Variants in ALS2 observed in about 807,000 individuals in gnomAD.
ALS2 encodes alsin.
A neutral mutation model predicts 203.4 loss-of-function variants in ALS2; 117 were observed. The ratio of observed to expected loss-of-function variants is 0.58; its 90% CI spans 0.50 to 0.67. The LOEUF is 0.67. Among genes scored for constraint, ALS2 ranks in the 30% least tolerant of loss-of-function variants. The pLI is 0.00. For missense variants in ALS2, 1,715 were observed against 1,989.4 expected, an observed-to-expected ratio of 0.86 and a Z score of 2.62; for synonymous variants, 718 against 725.9, an observed-to-expected ratio of 0.99 and a Z score of 0.17.
In ALS2 at chr2:201,726,486, A is replaced by G; in HGVS notation, c.3246T>C (p.Asp1082=). ...YSGMFRNGLE[D]GYGEYRIPNK... ...CATGTTTTACACAATTTTCTTACCCATCTTCCAAGCCATTCCTGAACATGC... is the reference window on the plus strand; with the variant it reads ...CATGTTTTACACAATTTTCTTACCCGTCTTCCAAGCCATTCCTGAACATGC... Residue 1082 remains aspartate, a splice_region_variant and synonymous_variant, in exon 19 of 34, where the codon GAT becomes GAC. Coordinates refer to ENST00000264276, the MANE Select transcript of ALS2 (RefSeq NM_020919.4). The G allele has an allele frequency of 7.4e-6, 12 of 1,613,852 alleles. 1 individual carries two copies. The Middle Eastern group carries it at 1.8e-3, about 244-fold the overall frequency.
chr2:201,707,841 T>C, intron 28 of ALS2, 28 bp downstream of exon 28: 1 of 1,610,564 alleles, frequency 6.2e-7, no homozygotes, highest in Non-Finnish European at 8.5e-7. Context: ...ATTCCCTTTC[T>C]TCACTGTCCC....
At chr2:201,728,969 T>C in intron 14 of ALS2, 83 bp downstream of exon 14, 1 of 1,604,518 alleles carries the variant, frequency 6.2e-7, no homozygotes, top group African/African-American at 1.3e-5. Flanking sequence ...CACAAACAAG[T>C]GAGGAACAGA....
chr2:201,772,318 C>T (rs73055632), intron 1 of ALS2, among the ~76,000 whole-genome samples: 16,346 of 152,084 alleles, frequency 0.11, 955 homozygotes, highest in East Asian at 0.23. Context: ...CTAGATGTCC[C>T]AACTGTTAGA....
intron 19 of ALS2, 134 bp from the exon 20 acceptor site, chr2:201,725,588 A>T: frequency 1.2e-6 from 1 of 806,456 alleles, no homozygotes. Flanking sequence ...GGGTTAAAAC[A>T]GCATCTTGGT....
intron 9 of ALS2, among the ~76,000 whole-genome samples, chr2:201,745,398 A>G (rs1692563639): frequency 6.6e-6 from 1 of 152,114 alleles, no homozygotes; most frequent in Non-Finnish European, 1.5e-5. Flanking sequence ...TTCATAACTT[A>G]CTAGCCAGAA....
chr2:201,730,235 A>T (rs1302220623), intron 13 of ALS2, among the ~76,000 whole-genome samples: 1 of 152,210 alleles, frequency 6.6e-6, no homozygotes, highest in Non-Finnish European at 1.5e-5. Context: ...GTTAAAATCC[A>T]GGGGTCTATC....
intron 1 of ALS2, among the ~76,000 whole-genome samples, chr2:201,775,347 A>C (rs1694608524): frequency 6.6e-6 from 1 of 152,136 alleles, no homozygotes; most frequent in Admixed American, 6.6e-5. Flanking sequence ...AGTCATTAAC[A>C]CCTCCTTTTT....
intron 9 of ALS2, among the ~76,000 whole-genome samples, chr2:201,745,731 T>C (rs921529950): frequency 4.6e-5 from 7 of 152,058 alleles, no homozygotes; most frequent in Non-Finnish European, 4.4e-5. Context: ...GGCAGATCAC[T>C]TGAGGTCAGG....
Position 201,761,828 on chromosome 2 carries a change from A to G in ALS2, c.176-10T>C, listed in dbSNP as rs756991825. On this transcript the variant is annotated splice_polypyrimidine_tract_variant and intron_variant, in intron 3 of 33. Transcript: ENST00000264276. ...CTGTAGACCTCACCATCTGAAGGTT[A>G]AAAAAAAGAAAAAAGAAAAAAAAAA... 2.2e-5 allele frequency: 35 copies of G among 1,608,926 alleles called. 1 individual carries two copies. The South Asian group carries it at 3.9e-4, about 18-fold the overall frequency.
At chr2:201,723,514 G>T in intron 21 of ALS2, 73 bp from the exon 22 acceptor site, 1 of 1,298,986 alleles carries the variant, frequency 7.7e-7, no homozygotes, top group Non-Finnish European at 1.1e-6. Flanking sequence ...ATTATCACAT[G>T]GGAGATCCCA....
intron 24 of ALS2, among the ~76,000 whole-genome samples, chr2:201,717,154 T>C (rs934220203): frequency 6.6e-6 from 1 of 152,092 alleles, no homozygotes; most frequent in African/African-American, 2.4e-5. Flanking sequence ...TCAAGTTGTG[T>C]ACAGATTCCA....
At position 201,715,809 on chromosome 2, in the gene ALS2, A is replaced by G. The variant is rs749636359; in HGVS notation, c.3867T>C (p.Ala1289=). ...FRKLGNLAVP[A]DEKWKAVFDE... is the part of the protein sequence containing the mutation. ...CAAACACCGCTTTCCACTTCTCATC[A>G]GCTGGCACTGCCAGGTTTCCTAGCT... Residue 1289 remains alanine, a synonymous_variant, in exon 25 of 34, where the codon GCT becomes GCC. Transcript: ENST00000264276. The G allele has an allele frequency of 6.2e-7, 1 of 1,614,222 alleles. No homozygotes were observed.
chr2:201,754,452 G>T (rs41308820), intron 6 of ALS2, 51 bp downstream of exon 6: 1 of 1,610,180 alleles, frequency 6.2e-7, no homozygotes, highest in Non-Finnish European at 8.5e-7. Context: ...TCCCAGGAGA[G>T]AGATTATTTG....
intron 33 of ALS2, among the ~76,000 whole-genome samples, chr2:201,703,747 A>C (rs1242863217): frequency 6.6e-6 from 1 of 152,248 alleles, no homozygotes; most frequent in Non-Finnish European, 1.5e-5. Flanking sequence ...CATTATTTAC[A>C]TACTGCCTTC....
At chr2:201,766,859 G>A (rs555488646) in intron 3 of ALS2, among the ~76,000 whole-genome samples, 4 of 147,756 alleles carry the variant, frequency 2.7e-5, no homozygotes, top group Non-Finnish European at 5.9e-5. Context: ...AACAAACACC[G>A]CATGTTCTCA....
chr2:201,776,523 CAAAT>C (rs1243375260), intron 1 of ALS2, among the ~76,000 whole-genome samples: 1 of 152,140 alleles, frequency 6.6e-6, no homozygotes, highest in Non-Finnish European at 1.5e-5. Context: ...ATAATACTAA[CAAAT>C]GAATTTCAAA....
chr2:201,757,807 G>A (rs1693491367), intron 4 of ALS2, 48 bp from the exon 5 acceptor site: 2 of 1,387,854 alleles, frequency 1.4e-6, no homozygotes, highest in Non-Finnish European at 2.0e-6. Flanking sequence ...AATCCCTTAT[G>A]CAACAAGCAA....
At chr2:201,759,345 G>A (rs746223822) in intron 4 of ALS2, 161 of 925,610 alleles carry the variant, frequency 1.7e-4, no homozygotes, top group Non-Finnish European at 4.1e-5. Context: ...GTTATATCTC[G>A]CCAGAAGAGA....
intron 8 of ALS2, among the ~76,000 whole-genome samples, chr2:201,749,291 T>C (rs923034551): frequency 6.6e-6 from 1 of 152,162 alleles, no homozygotes; most frequent in Non-Finnish European, 1.5e-5. Flanking sequence ...AAAAAATGTT[T>C]TACTACTCTG....
Sources: allele counts gnomAD v4.1 joint callset (sites outside exome capture counted in the v4.1 genomes callset), GRCh38; gene constraint gnomAD v4.1.1; transcripts MANE v1.5; gene names NCBI Gene and HGNC (gene_info 2026-07-23, HGNC 2026-07-21).